Variants in NAV3 observed in about 807,000 individuals in gnomAD.
NAV3 encodes the protein neuron navigator 3.
Under a neutral mutation model 244.7 loss-of-function variants are expected in NAV3, and 87 were observed. The observed-to-expected ratio is 0.36, with a 90% CI of 0.30 to 0.42. The LOEUF is 0.42. NAV3 is among the 20% of genes least tolerant of loss of function. The probability of loss-of-function intolerance (pLI) is 1.00; values close to 1 mark genes in which losing one functional copy is unlikely to be tolerated. For missense variants in NAV3, 2,663 were observed against 2,893.3 expected (o/e 0.92, Z 1.83); for synonymous variants, 1,126 against 1,042.2 (o/e 1.08, Z -1.55).
rs369117734 is a variant in NAV3, at chr12:78,006,690, G to A, written c.1152G>A (p.Met384Ile). ...VKTAPSGQKS[M>I]LEKFKLVNAR... ...CTGCTCCCTCAGGACAGAAATCCAT[G>A]CTTGAGAAATTCAAGCTAGTCAATG... The change falls in exon 8 of 40, where the codon ATG becomes ATA. Residue 384 changes from methionine to isoleucine, a missense_variant. By Grantham distance (10) the Met-to-Ile change is conservative (BLOSUM62 1). Transcript: ENST00000397909. The A allele has an allele frequency of 2.7e-5, 44 of 1,613,996 alleles. No homozygotes were observed. The highest frequency in any genetic ancestry group is 1.6e-4 in the East Asian group (7 of 44,854).
At chr12:77,937,735 T>C (rs952517443) in intron 1 of NAV3, among the ~76,000 whole-genome samples, 4 of 152,188 alleles carry the variant, frequency 2.6e-5, no homozygotes, top group Admixed American at 6.6e-5. Context: ...ACAATTTCTT[T>C]AGTCTTCTGA....
At chr12:77,871,353 T>C (rs945617650) in intron 1 of NAV3, among the ~76,000 whole-genome samples, 3 of 152,186 alleles carry the variant, frequency 2.0e-5, no homozygotes, top group Non-Finnish European at 4.4e-5. Context: ...GTTTGTTATA[T>C]AGGTAGACAC....
At position 77,730,025 on chromosome 12, in the gene NAV3, C is replaced by A. The variant is rs149316289; in HGVS notation, c.72+157759C>A. On this transcript the variant is annotated intron_variant, in intron 2 of 8. Coordinates refer to the NAV3 transcript ENST00000550042. ...AATTTCTAGATATTGACATTTGAAG[C>A]TTGTTGAAAACATTCAGGCTCTACC... Among the ~76,000 whole-genome samples the A allele has an allele frequency of 1.7e-4, 26 of 152,032 alleles. No homozygotes were observed. The East Asian group carries it at 4.9e-3, about 28-fold the overall frequency.
At chr12:77,951,032 C>A (rs1341244614) in intron 3 of NAV3, 1 of 152,136 alleles carries the variant, frequency 6.6e-6, no homozygotes, top group African/African-American at 2.4e-5. Context: ...TCGAAAACAC[C>A]AAAAGCAATG....
chr12:78,043,357 G>C (rs1881214470), intron 9 of NAV3, among the ~76,000 whole-genome samples: 1 of 152,128 alleles, frequency 6.6e-6, no homozygotes, highest in Non-Finnish European at 1.5e-5. Flanking sequence ...TTGGTTCCAA[G>C]TCTTTGCTAT....
chr12:77,884,633 G>T (rs73142024), intron 1 of NAV3, among the ~76,000 whole-genome samples: 34,726 of 151,992 alleles, frequency 0.23, 4,641 homozygotes, highest in South Asian at 0.36. Context: ...ATCCAAACAG[G>T]ATCTCAGCTG....
chr12:77,751,788 A>G (rs1868870117), intron 2 of NAV3, among the ~76,000 whole-genome samples: 1 of 152,222 alleles, frequency 6.6e-6, no homozygotes, highest in Admixed American at 6.5e-5. Flanking sequence ...CTTAAATTAC[A>G]CAATACAATT....
intron 2 of NAV3, among the ~76,000 whole-genome samples, chr12:77,667,681 T>G (rs1170974343): frequency 6.6e-6 from 1 of 152,094 alleles, no homozygotes; most frequent in African/African-American, 2.4e-5. Context: ...CTCTGGTAGC[T>G]GAAGACAAAG....
upstream of NAV3, among the ~76,000 whole-genome samples, chr12:77,828,820 CT>C (rs552969273): frequency 1.3e-5 from 2 of 151,864 alleles, no homozygotes; most frequent in East Asian, 1.9e-4. Context: ...AATGTGAATC[CT>C]TTTTTTTCAA....
At chr12:77,768,037 A>T (rs1028392311) in intron 2 of NAV3, among the ~76,000 whole-genome samples, 2 of 152,178 alleles carry the variant, frequency 1.3e-5, no homozygotes, top group African/African-American at 2.4e-5. Flanking sequence ...GCTCCTTTTG[A>T]CAGGCAGGTT....
intron 5 of NAV3, among the ~76,000 whole-genome samples, chr12:77,974,362 A>G (rs976181919): frequency 1.6e-4 from 25 of 151,838 alleles, no homozygotes; most frequent in Admixed American, 6.6e-5. Context: ...GCTCACTGCA[A>G]ACTCTGCCTC....
intron 2 of NAV3, among the ~76,000 whole-genome samples, chr12:77,590,758 G>T (rs1869869402): frequency 6.6e-6 from 1 of 152,222 alleles, no homozygotes; most frequent in Non-Finnish European, 1.5e-5. Flanking sequence ...AAAATAATTT[G>T]TGTATAGACA....
At chr12:77,594,418 A>C (rs745539445) in intron 2 of NAV3, among the ~76,000 whole-genome samples, 2 of 152,196 alleles carry the variant, frequency 1.3e-5, no homozygotes, top group African/African-American at 2.4e-5. Context: ...CTTGTGTATA[A>C]TAATGGTCTG....
chr12:78,017,555 G>A (rs1311699488), intron 8 of NAV3, among the ~76,000 whole-genome samples: 1 of 152,054 alleles, frequency 6.6e-6, no homozygotes, highest in Non-Finnish European at 1.5e-5. Context: ...TGTCTACATA[G>A]GACCATGTTG....
rs774393425 is a variant in NAV3, at chr12:77,778,139, CCCCCTCCCCTCCCCT to C, written c.73-162162_73-162148del. On this transcript the variant is annotated intron_variant, in intron 2 of 8. Coordinates refer to the NAV3 transcript ENST00000550042. Reference sequence around the variant, plus strand: ...CCTTTCCTTCTTTCCTCCCTTCCTTCCCCCTCCCCTCCCCTCCCCTCCCCTCCCCTCCTCTGCCCT... The same window carrying C: ...CCTTTCCTTCTTTCCTCCCTTCCTTCCCCCTCCCCTCCCCTCCTCTGCCCT... Among the ~76,000 whole-genome samples the C allele has an allele frequency of 5.1e-4, 50 of 97,722 alleles. 1 individual carries two copies. In the East Asian group the frequency reaches 0.013, roughly 25 times the overall value. 64.1% of individuals were successfully genotyped at this position (97,722 alleles called of 152,430 possible). A position where few individuals can be genotyped will look rare whatever the true frequency, so the allele number is the denominator to read the frequency against.
intron 8 of NAV3, among the ~76,000 whole-genome samples, chr12:78,008,942 A>C (rs1874733475): frequency 1.3e-5 from 2 of 152,202 alleles, no homozygotes; most frequent in African/African-American, 4.8e-5. Flanking sequence ...TGAAGTTTTA[A>C]ATATGTCATA....
chr12:77,979,931 G>A (rs575008491), intron 5 of NAV3, among the ~76,000 whole-genome samples: 38 of 152,216 alleles, frequency 2.5e-4, no homozygotes, highest in Middle Eastern at 3.4e-3. Flanking sequence ...TGCAGCTGAG[G>A]AGAAGGGATA....
intron 2 of NAV3, among the ~76,000 whole-genome samples, chr12:77,787,533 A>C (rs1037794654): frequency 2.6e-4 from 40 of 152,168 alleles, no homozygotes; most frequent in African/African-American, 9.7e-4. Context: ...AGTGCTGAAC[A>C]AAGGGGGATG....
At chr12:77,597,165 T>G (rs1188296198) in intron 2 of NAV3, among the ~76,000 whole-genome samples, 2 of 152,120 alleles carry the variant, frequency 1.3e-5, no homozygotes, top group East Asian at 3.9e-4. Context: ...TCATTTGAGG[T>G]GGGAGTCCTG....
Sources: allele counts gnomAD v4.1 joint callset (sites outside exome capture counted in the v4.1 genomes callset), GRCh38; gene constraint gnomAD v4.1.1; transcripts MANE v1.5; gene names NCBI Gene and HGNC (gene_info 2026-07-23, HGNC 2026-07-21).